Variants in KCNH1 observed in about 807,000 individuals in gnomAD.
KCNH1 encodes the protein potassium voltage-gated channel subfamily H member 1.
Under a neutral mutation model 69.2 loss-of-function variants are expected in KCNH1, and 27 were observed. The ratio of observed to expected loss-of-function variants is 0.39; its 90% confidence interval spans 0.29 to 0.54. The LOEUF is 0.54. Among genes scored for constraint, KCNH1 ranks in the 20% least tolerant of loss-of-function variants. KCNH1 has a pLI of 0.68. For synonymous variants in KCNH1, 456 were observed against 487.7 expected, an observed-to-expected ratio of 0.93 and a Z score of 0.86; for missense variants, 798 against 1,261.6, an observed-to-expected ratio of 0.63 and a Z score of 5.57.
Position 210,762,914 on chromosome 1 carries a change from C to G in KCNH1, c.2112+12434G>C, listed in dbSNP as rs111632703. 1.2e-3 allele frequency among the ~76,000 whole-genome samples: 179 copies of G among 151,946 alleles called. 1 individual carries two copies. Among genetic ancestry groups the G allele is most frequent in the African/African-American group, 4.1e-3 (170 of 41,488 alleles). Reference sequence around the variant, plus strand: ...ATGATACCAAAATCTGGCAAAGACACAACAAAAAAAGAAAACTACAGATCA... The same window carrying G: ...ATGATACCAAAATCTGGCAAAGACAGAACAAAAAAAGAAAACTACAGATCA... On this transcript the variant is annotated intron_variant, in intron 10 of 10. Coordinates refer to ENST00000271751, the MANE Select transcript of KCNH1 (RefSeq NM_172362.3).
intron 8 of KCNH1, 90 bp downstream of exon 8, chr1:210,803,877 A>C (rs1684477631): frequency 1.8e-6 from 2 of 1,121,136 alleles, no homozygotes; most frequent in African/African-American, 3.1e-5. Context: ...GAGCACAGCC[A>C]GGTTTGACAT....
intron 5 of KCNH1, among the ~76,000 whole-genome samples, chr1:211,029,139 T>C (rs1018676699): frequency 8.1e-6 from 1 of 123,724 alleles, no homozygotes; most frequent in African/African-American, 3.1e-5. Flanking sequence ...AGACCAGCCA[T>C]GGCAACATAG....
chr1:211,127,598 T>C (rs1156324487), intron 1 of KCNH1, among the ~76,000 whole-genome samples: 3 of 152,212 alleles, frequency 2.0e-5, no homozygotes, highest in African/African-American at 7.2e-5. Context: ...CAAGTTTTGT[T>C]TTCATTTAAT....
At chr1:210,986,721 T>C (rs1218209868) in intron 6 of KCNH1, among the ~76,000 whole-genome samples, 5 of 152,208 alleles carry the variant, frequency 3.3e-5, no homozygotes, top group Admixed American at 3.3e-4. Context: ...TTAACATCTT[T>C]TCCTTCATTT....
chr1:210,903,640 AT>A (rs1379546958), intron 7 of KCNH1, among the ~76,000 whole-genome samples: 2 of 152,212 alleles, frequency 1.3e-5, no homozygotes, highest in African/African-American at 4.8e-5. Flanking sequence ...ATGAAATATC[AT>A]CATCAAAAGA....
intron 6 of KCNH1, among the ~76,000 whole-genome samples, chr1:210,942,854 A>T (rs1197268542): frequency 2.0e-5 from 3 of 152,206 alleles, no homozygotes; most frequent in African/African-American, 7.2e-5. Flanking sequence ...AACTTGCTTT[A>T]AAAGATCTAG....
intron 7 of KCNH1, chr1:210,861,621 G>C: frequency 1.3e-6 from 1 of 770,672 alleles, no homozygotes; most frequent in Admixed American, 1.7e-5. Flanking sequence ...ATAGAGTATA[G>C]AGTATATACT....
chr1:211,059,855 G>T (rs192400138), intron 5 of KCNH1, among the ~76,000 whole-genome samples: 33 of 151,890 alleles, frequency 2.2e-4, no homozygotes, highest in Admixed American at 8.5e-4. Context: ...AGAAAATAAA[G>T]AAACATGGGA....
chr1:210,868,989 A>G (rs1211945336), intron 7 of KCNH1, among the ~76,000 whole-genome samples: 2 of 152,122 alleles, frequency 1.3e-5, no homozygotes, highest in Non-Finnish European at 2.9e-5. Flanking sequence ...TTTGCCTGAA[A>G]AAGTTTTTAT....
At chr1:211,035,415 A>AT (rs1411784155) in intron 5 of KCNH1, among the ~76,000 whole-genome samples, 1 of 149,878 alleles carries the variant, frequency 6.7e-6, no homozygotes, top group Non-Finnish European at 1.5e-5. Flanking sequence ...CGCCCGGCTA[A>AT]TTTTTTGTAT....
intron 10 of KCNH1, among the ~76,000 whole-genome samples, chr1:210,755,974 T>C (rs1036692047): frequency 6.6e-6 from 1 of 152,236 alleles, no homozygotes; most frequent in Non-Finnish European, 1.5e-5. Context: ...GCTGCAAAAA[T>C]GCTTGAAATC....
intron 3 of KCNH1, among the ~76,000 whole-genome samples, chr1:211,098,546 A>T (rs1335452371): frequency 6.6e-6 from 1 of 152,176 alleles, no homozygotes; most frequent in African/African-American, 2.4e-5. Context: ...TCCCCAAAAG[A>T]TAGGACAAAT....
At chr1:211,030,300 T>A (rs1468503594) in intron 5 of KCNH1, among the ~76,000 whole-genome samples, 1 of 152,198 alleles carries the variant, frequency 6.6e-6, no homozygotes, top group Non-Finnish European at 1.5e-5. Flanking sequence ...ATATATCAAT[T>A]ATACTTCAAT....
In KCNH1 at chr1:210,859,606, T is replaced by C. The variant is rs1012250078; in HGVS notation, c.1463-55440A>G. On this transcript the variant is annotated intron_variant, in intron 7 of 10. Coordinates refer to ENST00000271751, the MANE Select transcript of KCNH1 (RefSeq NM_172362.3). Reference sequence around the variant, plus strand: ...ACTCCCCAGTTCCTCGGTTTCATCATCATATTCAGCTTCATCATCATCACT... The same window carrying C: ...ACTCCCCAGTTCCTCGGTTTCATCACCATATTCAGCTTCATCATCATCACT... The C allele has an allele frequency of 1.4e-5, 20 of 1,440,170 alleles. No homozygotes were observed. The African/African-American group carries it at 2.5e-4, about 18-fold the overall frequency. 89.2% of individuals were successfully genotyped at this position (1,440,170 alleles called of 1,614,324 possible).
At chr1:210,782,604 T>A (rs1007761423) in intron 9 of KCNH1, among the ~76,000 whole-genome samples, 2 of 152,134 alleles carry the variant, frequency 1.3e-5, no homozygotes, top group South Asian at 4.1e-4. Context: ...CGAGCACTTG[T>A]AATCGCAGCT....
In KCNH1 at chr1:210,685,133, G is replaced by A. The variant is rs146699617; in HGVS notation, c.2113-995C>T. On this transcript the variant is annotated intron_variant, in intron 10 of 10. Transcript: ENST00000271751. ...AGTGCAGCATAAGCCACAGCTTACA[G>A]GGCCTTCCCCTGGGTCAGCATCTGA... Among the ~76,000 whole-genome samples, 5 of 152,292 alleles carry A rather than the reference G, an allele frequency of 3.3e-5. No individual in the cohort carries two copies. In the East Asian group the frequency reaches 9.6e-4, roughly 29 times the overall value.
At position 210,870,266 on chromosome 1, in the gene KCNH1, A is replaced by G. The variant is rs139194013; in HGVS notation, c.1462+49374T>C. Among the ~76,000 whole-genome samples, 547 of 152,192 alleles carry G rather than the reference A, an allele frequency of 3.6e-3. 4 individuals carry two copies. Among genetic ancestry groups the G allele is most frequent in the African/African-American group, 0.013 (527 of 41,530 alleles). On this transcript the variant is annotated intron_variant, in intron 7 of 10. Coordinates refer to ENST00000271751, the MANE Select transcript of KCNH1 (RefSeq NM_172362.3). ...AGAAATCACTGATATTATCTATGTT[A>G]ATACAGTGAAAAAACATCCAGTGTT...
Position 210,806,836 on chromosome 1 carries a change from AATATATATAT to A in KCNH1, c.1463-2680_1463-2671del, listed in dbSNP as rs1553346590. ...AAAAAAAAAAAAAAAAAAAAAAAAA[AATATATATAT>A]ATATATATAAATTTGCCGGGCATGG... is the stretch of plus-strand genomic sequence containing the variant. On this transcript the variant is annotated intron_variant, in intron 7 of 10. Transcript: ENST00000271751. Among the ~76,000 whole-genome samples the A allele has an allele frequency of 2.3e-5, 2 of 85,688 alleles. 1 individual carries two copies. The highest frequency in any genetic ancestry group is 1.0e-4 in the African/African-American group (2 of 19,704). 56.2% of individuals were successfully genotyped at this position (85,688 alleles called of 152,430 possible).
chr1:210,695,717 C>CTT (rs1428603609), intron 10 of KCNH1, among the ~76,000 whole-genome samples: 1 of 150,818 alleles, frequency 6.6e-6, no homozygotes, highest in Non-Finnish European at 1.5e-5. Context: ...TTGTCTTTGT[C>CTT]TATTATAATT....
Sources: allele counts gnomAD v4.1 joint callset (sites outside exome capture counted in the v4.1 genomes callset), GRCh38; gene constraint gnomAD v4.1.1; transcripts MANE v1.5; gene names NCBI Gene and HGNC (gene_info 2026-07-23, HGNC 2026-07-21).